CHD9: variants seen among roughly 807,000 people sequenced by gnomAD.
The protein encoded by CHD9 is ATP-dependent chromatin remodeler CHD9.
Under a neutral mutation model 316.1 loss-of-function variants are expected in CHD9, and 77 were observed. That is an observed-to-expected ratio of 0.24 (90% CI 0.20 to 0.29). The LOEUF is 0.29. Ranked by LOEUF, CHD9 falls within the 10% of genes least tolerant of loss-of-function variation. The pLI, the probability that CHD9 is intolerant of heterozygous loss-of-function variation, is 1.00. For synonymous variants in CHD9, 1,129 were observed against 1,158.3 expected (o/e 0.97, Z 0.51); for missense variants, 2,763 against 3,438.1 (o/e 0.80, Z 4.91).
intron 1 of CHD9, among the ~76,000 whole-genome samples, chr16:53,095,810 G>A (rs998786790): frequency 2.6e-5 from 4 of 152,114 alleles, no homozygotes; most frequent in Admixed American, 2.6e-4. Context: ...ATTTTTGTCT[G>A]TGTCTCCAGG....
intron 2 of CHD9, among the ~76,000 whole-genome samples, chr16:53,164,152 T>A (rs1285325330): frequency 6.6e-6 from 1 of 152,234 alleles, no homozygotes. Context: ...CTTCTGCCAT[T>A]GAAAAATTAA....
intron 1 of CHD9, among the ~76,000 whole-genome samples, chr16:53,079,287 G>A (rs1002519363): frequency 2.6e-5 from 4 of 152,156 alleles, no homozygotes; most frequent in African/African-American, 9.7e-5. Context: ...GCTGTGGTCA[G>A]CTTGGATACC....
At position 53,245,361 on chromosome 16, in the gene CHD9, C is replaced by T. The variant is rs1296321196; in HGVS notation, c.3080C>T (p.Thr1027Ile). ...GAACACAAGGTGCTTTTGACTGGCA[C>T]CCCTCTCCAAAATACAGTTGAAGAA... ...NLEHKVLLTG[T>I]PLQNTVEELF... The change falls in exon 14 of 39, where the codon ACC (threonine) becomes ATC (isoleucine). Residue 1027 changes from threonine (T) to isoleucine (I), a missense_variant. Thr to Ile is a moderately conservative substitution (Grantham distance 89). Transcript: ENST00000447540. The surrounding 1 kb of genome is among the most constrained non-coding windows in gnomAD (Gnocchi z 4.1). 6.4e-7 allele frequency: 1 copy of T among 1,557,524 alleles called. No individual in the cohort carries two copies. Among genetic ancestry groups the T allele is most frequent in the Non-Finnish European group, 8.7e-7 (1 of 1,152,660 alleles).
intron 10 of CHD9, among the ~76,000 whole-genome samples, chr16:53,233,434 T>C (rs1357901783): frequency 6.6e-6 from 1 of 152,224 alleles, no homozygotes; most frequent in Non-Finnish European, 1.5e-5. Context: ...GATGAGTTCT[T>C]GTTCACCTTT....
intron 34 of CHD9, 47 bp downstream of exon 34, chr16:53,308,901 A>T (rs1306279880): frequency 2.7e-6 from 4 of 1,472,338 alleles, no homozygotes; most frequent in Non-Finnish European, 3.7e-6. Flanking sequence ...ATTTTCTGTC[A>T]TGTCCAAATC....
chr16:53,294,669 A>G (rs1365395969), intron 29 of CHD9, among the ~76,000 whole-genome samples: 2 of 152,190 alleles, frequency 1.3e-5, no homozygotes, highest in African/African-American at 4.8e-5. Context: ...CAGTCTCAGT[A>G]GTTACAAAAT....
At chr16:53,284,759 G>A (rs2053715221) in intron 24 of CHD9, among the ~76,000 whole-genome samples, 1 of 152,004 alleles carries the variant, frequency 6.6e-6, no homozygotes, top group African/African-American at 2.4e-5. Flanking sequence ...CATCAAAACA[G>A]CATTTGAGTG....
chr16:53,063,276 T>C, intron 1 of CHD9, among the ~76,000 whole-genome samples: 1 of 151,264 alleles, frequency 6.6e-6, no homozygotes. Context: ...AGCTAGGAAG[T>C]GATGAGCTGG....
intron 2 of CHD9, among the ~76,000 whole-genome samples, chr16:53,199,415 A>G (rs1256096295): frequency 1.3e-5 from 2 of 152,186 alleles, no homozygotes; most frequent in Non-Finnish European, 2.9e-5. Flanking sequence ...ATATTTTGAA[A>G]ATAAAAATTT....
intron 1 of CHD9, among the ~76,000 whole-genome samples, chr16:53,144,278 A>C (rs1294948176): frequency 6.6e-6 from 1 of 152,198 alleles, no homozygotes; most frequent in Non-Finnish European, 1.5e-5. Context: ...CAAAGTATAG[A>C]GTATAAGACA....
chr16:53,146,419 G>GTGTGTGTGTGTATATATA lies in CHD9; in HGVS notation c.-164-9506_-164-9505insGTGTGTGTGTATATATAT, dbSNP rs1555492145. ...AAAAAAAAATTGTGTGTGTGTGTAT[G>GTGTGTGTGTGTATATATA]TATATATATATATATATAATTAAAA... On this transcript the variant is annotated intron_variant, in intron 1 of 38. Transcript: ENST00000447540. Among the ~76,000 whole-genome samples the GTGTGTGTGTGTATATATA allele has an allele frequency of 5.6e-4, 43 of 76,704 alleles. 3 individuals are homozygous for GTGTGTGTGTGTATATATA. Among genetic ancestry groups the GTGTGTGTGTGTATATATA allele is most frequent in the African/African-American group, 2.5e-3 (42 of 16,904 alleles). The allele number at this position is 76,704 out of a possible 152,430, so 50.3% of individuals were successfully genotyped here.
chr16:53,235,337 AT>A (rs2048530954), intron 11 of CHD9, 31 bp downstream of exon 11: 6 of 1,451,236 alleles, frequency 4.1e-6, no homozygotes, highest in African/African-American at 2.9e-5. Flanking sequence ...AAAAAAATTT[AT>A]TTTTTTAATG....
chr16:53,175,453 T>A (rs1056870387), intron 2 of CHD9, among the ~76,000 whole-genome samples: 12 of 152,368 alleles, frequency 7.9e-5, no homozygotes, highest in African/African-American at 2.9e-4. Context: ...ATCTAAAAAC[T>A]ATTGTTTCAT....
intron 2 of CHD9, among the ~76,000 whole-genome samples, chr16:53,172,820 T>G (rs1405683463): frequency 3.9e-5 from 6 of 152,200 alleles, no homozygotes; most frequent in African/African-American, 1.4e-4. Flanking sequence ...TCCATATATA[T>G]CCTTTGGTGA....
At chr16:53,162,807 G>T (rs1289967427) in intron 2 of CHD9, among the ~76,000 whole-genome samples, 1 of 150,024 alleles carries the variant, frequency 6.7e-6, no homozygotes, top group Non-Finnish European at 1.5e-5. Flanking sequence ...TTTGGTGGGG[G>T]ACAGGGTCTT....
chr16:53,255,599 G>A lies in CHD9; in HGVS notation c.4030-1G>A. 1.9e-6 allele frequency: 3 copies of A among 1,609,396 alleles called. No individual in the cohort carries two copies. The highest frequency in any genetic ancestry group is 1.1e-5 in the South Asian group (1 of 90,314). Reference sequence around the variant, plus strand: ...TTTTATGGAAGTTAATTTCTCCTTAGATTCAGCAGCTTTCCAAAAAGGAAA... The same window carrying A: ...TTTTATGGAAGTTAATTTCTCCTTAAATTCAGCAGCTTTCCAAAAAGGAAA... On this transcript the variant is annotated splice_acceptor_variant, in intron 18 of 38. Coordinates refer to ENST00000447540, the MANE Select transcript of CHD9 (RefSeq NM_001308319.2). LOFTEE classifies it high-confidence loss of function.
chr16:53,140,161 A>G (rs2039996998), intron 1 of CHD9, among the ~76,000 whole-genome samples: 1 of 151,776 alleles, frequency 6.6e-6, no homozygotes, highest in Admixed American at 6.6e-5. Context: ...ATTTAGCATT[A>G]GAATAAATAT....
chr16:53,105,669 T>C (rs967756603), intron 1 of CHD9, among the ~76,000 whole-genome samples: 7 of 152,188 alleles, frequency 4.6e-5, no homozygotes, highest in African/African-American at 1.4e-4. Context: ...TATGAGACTA[T>C]GTCCAGGATA....
chr16:53,064,334 ATTC>A (rs2152502733), intron 1 of CHD9, among the ~76,000 whole-genome samples: 1 of 152,094 alleles, frequency 6.6e-6, no homozygotes, highest in Non-Finnish European at 1.5e-5. Flanking sequence ...CCTCTTCTTT[ATTC>A]TTGTTTCTTC....
Sources: allele counts gnomAD v4.1 joint callset (sites outside exome capture counted in the v4.1 genomes callset), GRCh38; gene constraint gnomAD v4.1.1; non-coding constraint Gnocchi (gnomAD v3.1); transcripts MANE v1.5; gene names NCBI Gene and HGNC (gene_info 2026-07-23, HGNC 2026-07-21).